The following IMMP2L variants were observed in gnomAD, a reference collection of about 807,000 sequenced individuals.
IMMP2L encodes the protein inner mitochondrial membrane peptidase subunit 2.
In IMMP2L, 18 loss-of-function variants were observed where a neutral mutation model predicts 19.3. The ratio of observed to expected loss-of-function variants is 0.93; its 90% CI spans 0.64 to 1.38. The LOEUF is 1.38. IMMP2L is among the 40% of genes most tolerant of loss of function. The probability of loss-of-function intolerance (pLI) is 0.00; values close to 1 mark genes in which losing one functional copy is unlikely to be tolerated. For synonymous variants in IMMP2L, 76 were observed against 73.0 expected (o/e 1.04, Z -0.21); for missense variants, 233 against 218.2 (o/e 1.07, Z -0.43).
At chr7:111,534,121 T>C (rs919141841) in intron 1 of IMMP2L, among the ~76,000 whole-genome samples, 1 of 152,108 alleles carries the variant, frequency 6.6e-6, no homozygotes, top group Non-Finnish European at 1.5e-5. Flanking sequence ...AAATTTAATA[T>C]GGTAATATGT....
chr7:110,768,906 A>G (rs941451781), intron 5 of IMMP2L, among the ~76,000 whole-genome samples: 1 of 152,190 alleles, frequency 6.6e-6, no homozygotes, highest in Non-Finnish European at 1.5e-5. Context: ...TACTGAATAA[A>G]TGAAGGAGTT....
rs1816574288 is a variant in IMMP2L, at chr7:111,255,202, T to C, written c.239+232036A>G. Among the ~76,000 whole-genome samples the C allele has an allele frequency of 2.0e-5, 3 of 152,172 alleles. No individual in the cohort carries two copies. In the South Asian group the frequency reaches 6.2e-4, roughly 32 times the overall value. ...CCAATCCTTGGAGACAAATATCTCT[T>C]CTAAGAATGACTGCAAATATCATAA... On this transcript the variant is annotated intron_variant, in intron 3 of 5. Transcript: ENST00000405709.
intron 3 of IMMP2L, among the ~76,000 whole-genome samples, chr7:110,999,026 C>T (rs1823344114): frequency 6.6e-6 from 1 of 152,054 alleles, no homozygotes; most frequent in Admixed American, 6.6e-5. Context: ...GGCCCAGATA[C>T]CATTTTAAGT....
At chr7:111,002,021 G>A (rs1823757516) in intron 3 of IMMP2L, among the ~76,000 whole-genome samples, 1 of 151,392 alleles carries the variant, frequency 6.6e-6, no homozygotes, top group African/African-American at 2.4e-5. Context: ...TTAAACTTCG[G>A]CACCCACTGA....
At chr7:111,475,614 G>A (rs1451283420) in intron 3 of IMMP2L, among the ~76,000 whole-genome samples, 2 of 151,992 alleles carry the variant, frequency 1.3e-5, no homozygotes, top group African/African-American at 4.8e-5. Context: ...AAGTTGACAA[G>A]AGATATGGAG....
intron 5 of IMMP2L, among the ~76,000 whole-genome samples, chr7:110,702,508 T>C (rs1242421649): frequency 6.6e-6 from 1 of 152,180 alleles, no homozygotes; most frequent in East Asian, 1.9e-4. Flanking sequence ...AACCAAATCA[T>C]GGATAACTGA....
At chr7:110,817,316 T>C (rs564276396) in intron 5 of IMMP2L, among the ~76,000 whole-genome samples, 26 of 152,004 alleles carry the variant, frequency 1.7e-4, no homozygotes, top group Non-Finnish European at 2.9e-4. Flanking sequence ...TATACACCAA[T>C]AACAGACAAA....
At chr7:110,933,272 C>T (rs1024930829) in intron 4 of IMMP2L, among the ~76,000 whole-genome samples, 3 of 152,168 alleles carry the variant, frequency 2.0e-5, no homozygotes, top group African/African-American at 7.2e-5. Context: ...ACACTGGGTT[C>T]TCTGGCTCCT....
chr7:111,384,225 AGAAAGGAGAGAGG>A (rs1831497427), intron 3 of IMMP2L, among the ~76,000 whole-genome samples: 1 of 103,936 alleles, frequency 9.6e-6, no homozygotes, highest in Admixed American at 8.6e-5. Context: ...AGGAGAGAGG[AGAAAGGAGAGAGG>A]AGAAAGGAGA....
intron 3 of IMMP2L, among the ~76,000 whole-genome samples, chr7:111,192,318 G>T (rs562349990): frequency 1.9e-4 from 29 of 152,056 alleles, no homozygotes; most frequent in African/African-American, 6.5e-4. Context: ...ATAAGTATAA[G>T]GAACTCCAAT....
At chr7:111,154,523 C>T (rs1804423570) in intron 3 of IMMP2L, among the ~76,000 whole-genome samples, 1 of 152,098 alleles carries the variant, frequency 6.6e-6, no homozygotes, top group Non-Finnish European at 1.5e-5. Context: ...TTATATTAGA[C>T]TTTCAAATTA....
chr7:110,793,420 A>AAAC (rs1800614800), intron 5 of IMMP2L, among the ~76,000 whole-genome samples: 1 of 149,972 alleles, frequency 6.7e-6, no homozygotes, highest in South Asian at 2.1e-4. Context: ...ACTCTGTCTC[A>AAAC]AAACAAACAA....
intron 2 of IMMP2L, among the ~76,000 whole-genome samples, chr7:111,487,902 C>G (rs1050351750): frequency 6.6e-6 from 1 of 152,146 alleles, no homozygotes; most frequent in African/African-American, 2.4e-5. Context: ...GTCCTGGTCC[C>G]AGTTTGAGCC....
intron 4 of IMMP2L, among the ~76,000 whole-genome samples, chr7:110,930,940 T>C (rs1177462074): frequency 6.6e-6 from 1 of 152,206 alleles, no homozygotes; most frequent in East Asian, 1.9e-4. Flanking sequence ...CAATATACAA[T>C]GGTTGAATCA....
intron 3 of IMMP2L, among the ~76,000 whole-genome samples, chr7:111,089,771 A>C (rs2129577629): frequency 6.6e-6 from 1 of 152,158 alleles, no homozygotes; most frequent in South Asian, 2.1e-4. Context: ...CATTTGAATA[A>C]ATTCTTATAG....
intron 3 of IMMP2L, among the ~76,000 whole-genome samples, chr7:111,091,850 A>C (rs2129577967): frequency 6.6e-6 from 1 of 152,020 alleles, no homozygotes; most frequent in South Asian, 2.1e-4. Flanking sequence ...GGGAGAGAGA[A>C]GGAGATGGGG....
intron 5 of IMMP2L, among the ~76,000 whole-genome samples, chr7:110,748,107 GACAA>G (rs1206668728): frequency 6.6e-6 from 1 of 152,088 alleles, no homozygotes; most frequent in African/African-American, 2.4e-5. Flanking sequence ...ACCAATAACA[GACAA>G]ACAGAGAGCC....
At chr7:110,864,648 G>C (rs547811523) in intron 5 of IMMP2L, among the ~76,000 whole-genome samples, 1 of 152,072 alleles carries the variant, frequency 6.6e-6, no homozygotes, top group Admixed American at 6.6e-5. Flanking sequence ...AATTGTTTTA[G>C]ATGTAATCAT....
At chr7:111,287,695 C>T (rs1411535716) in intron 3 of IMMP2L, among the ~76,000 whole-genome samples, 1 of 152,004 alleles carries the variant, frequency 6.6e-6, no homozygotes, top group Non-Finnish European at 1.5e-5. Context: ...GATTCGGGCC[C>T]AGAGTTGGAG....
Sources: gnomAD v4.1 joint callset for allele counts (sites outside exome capture counted in the v4.1 genomes callset) on GRCh38, gnomAD v4.1.1 for gene constraint, MANE v1.5 for transcripts, NCBI Gene and HGNC (gene_info 2026-07-23, HGNC 2026-07-21) for gene names.